LUZP2: variants seen among roughly 807,000 people sequenced by gnomAD.
LUZP2 encodes the protein leucine zipper protein 2.
In LUZP2, 52 loss-of-function variants were observed where a neutral mutation model predicts 51.6. The observed-to-expected ratio is 1.01, with a 90% confidence interval of 0.81 to 1.27. The LOEUF is 1.27. LUZP2 is among the 50% of genes most tolerant of loss of function. The pLI, the probability that LUZP2 is intolerant of heterozygous loss-of-function variation, is 0.00. For missense variants in LUZP2, 436 were observed against 395.4 expected (o/e 1.10, Z -0.87); for synonymous variants, 154 against 137.3 (o/e 1.12, Z -0.85).
intron 4 of LUZP2, among the ~76,000 whole-genome samples, chr11:24,742,151 A>G (rs1190166837): frequency 6.7e-6 from 1 of 148,846 alleles, no homozygotes; most frequent in East Asian, 2.0e-4. Flanking sequence ...CGAATTGTGC[A>G]CTATAAATAT....
At chr11:25,076,669 G>GGGAGGGAGGGAA (rs1368316089) in intron 10 of LUZP2, among the ~76,000 whole-genome samples, 2 of 149,540 alleles carry the variant, frequency 1.3e-5, no homozygotes, top group African/African-American at 4.9e-5. Flanking sequence ...GAGGGAAGGA[G>GGGAGGGAGGGAA]GGAGGGAGGG....
chr11:24,913,340 C>T (rs531058377), intron 6 of LUZP2, among the ~76,000 whole-genome samples: 21 of 152,236 alleles, frequency 1.4e-4, no homozygotes, highest in African/African-American at 4.8e-4. Flanking sequence ...TTCTATAATT[C>T]AGTACTTCAT....
At chr11:24,545,466 A>C (rs1169003081) in intron 1 of LUZP2, among the ~76,000 whole-genome samples, 1 of 151,692 alleles carries the variant, frequency 6.6e-6, no homozygotes, top group Non-Finnish European at 1.5e-5. Flanking sequence ...TGTGGTGTAA[A>C]AAAGGGGTCC....
chr11:24,713,761 C>T (rs1217972916), intron 1 of LUZP2, among the ~76,000 whole-genome samples: 1 of 148,630 alleles, frequency 6.7e-6, no homozygotes, highest in Non-Finnish European at 1.5e-5. Context: ...TGATCTCTGC[C>T]TACTGGAACC....
intron 5 of LUZP2, among the ~76,000 whole-genome samples, chr11:24,799,687 C>G (rs780569656): frequency 9.2e-5 from 14 of 152,118 alleles, no homozygotes; most frequent in Non-Finnish European, 1.8e-4. Context: ...GTAAACTCAC[C>G]TAGCATCTTG....
Position 25,079,180 on chromosome 11 carries a change from TAAC to T in LUZP2, c.*525_*527del, listed in dbSNP as rs1037417456. On this transcript the variant is annotated 3_prime_UTR_variant, in exon 12 of 12. Coordinates refer to ENST00000336930, the MANE Select transcript of LUZP2 (RefSeq NM_001009909.4). ...TGCTATTGGTATTATTTTGAACTAA[TAAC>T]AATTATTTTGTCTAAATAATGCTAA... The T allele has an allele frequency of 6.6e-5, 10 of 152,396 alleles. No homozygotes were observed. The highest frequency in any genetic ancestry group is 2.4e-4 in the African/African-American group (10 of 41,572). 9.4% of individuals were successfully genotyped at this position (152,396 alleles called of 1,614,324 possible).
chr11:24,824,913 G>C (rs7101709), intron 5 of LUZP2, among the ~76,000 whole-genome samples: 12 of 151,898 alleles, frequency 7.9e-5, no homozygotes, highest in South Asian at 6.2e-4. Flanking sequence ...TAAAATTTTT[G>C]CTTACTATAT....
intron 1 of LUZP2, among the ~76,000 whole-genome samples, chr11:24,594,224 G>A (rs1393630950): frequency 6.6e-6 from 1 of 152,148 alleles, no homozygotes; most frequent in Non-Finnish European, 1.5e-5. Flanking sequence ...ATCCATATTT[G>A]TTATTCCAAG....
intron 5 of LUZP2, among the ~76,000 whole-genome samples, chr11:24,855,071 A>G (rs1055095780): frequency 9.9e-5 from 15 of 152,124 alleles, no homozygotes; most frequent in Non-Finnish European, 2.1e-4. Context: ...AGCTGTTCCT[A>G]TTTGGTGATC....
At chr11:24,584,115 A>G (rs939266123) in intron 1 of LUZP2, among the ~76,000 whole-genome samples, 2 of 152,156 alleles carry the variant, frequency 1.3e-5, no homozygotes, top group Non-Finnish European at 2.9e-5. Context: ...GACACTAACA[A>G]TTAAAGATGA....
At chr11:24,527,892 G>C (rs1488577265) in intron 1 of LUZP2, among the ~76,000 whole-genome samples, 1 of 151,306 alleles carries the variant, frequency 6.6e-6, no homozygotes, top group African/African-American at 2.4e-5. Context: ...GAGCTGAATA[G>C]AGTGTGATTT....
At chr11:24,812,372 AT>A (rs1221879303) in intron 5 of LUZP2, among the ~76,000 whole-genome samples, 1 of 152,168 alleles carries the variant, frequency 6.6e-6, no homozygotes, top group Non-Finnish European at 1.5e-5. Flanking sequence ...AACTTCTTCA[AT>A]TCCCCTTCTG....
At chr11:24,702,856 T>A (rs1184475807) in intron 1 of LUZP2, among the ~76,000 whole-genome samples, 1 of 152,202 alleles carries the variant, frequency 6.6e-6, no homozygotes, top group Non-Finnish European at 1.5e-5. Context: ...CTATGTTGCT[T>A]GAGTGCAATC....
At chr11:24,546,636 G>T (rs1181860036) in intron 1 of LUZP2, among the ~76,000 whole-genome samples, 1 of 151,994 alleles carries the variant, frequency 6.6e-6, no homozygotes, top group African/African-American at 2.4e-5. Context: ...CTTTACTGTG[G>T]TGAATAAGCT....
chr11:24,753,902 A>T (rs1859680841), intron 4 of LUZP2, among the ~76,000 whole-genome samples: 1 of 152,102 alleles, frequency 6.6e-6, no homozygotes, highest in African/African-American at 2.4e-5. Context: ...CTGACTTTTT[A>T]AATTTATTCA....
chr11:24,870,790 T>A (rs898325634), intron 5 of LUZP2, among the ~76,000 whole-genome samples: 28 of 152,232 alleles, frequency 1.8e-4, no homozygotes, highest in African/African-American at 6.5e-4. Flanking sequence ...ACAAGATTCA[T>A]TCTATTATAA....
At chr11:25,055,605 C>T (rs7925471) in intron 10 of LUZP2, among the ~76,000 whole-genome samples, 55,730 of 151,890 alleles carry the variant, frequency 0.37, 12,579 homozygotes, top group East Asian at 0.78. Context: ...TAAGCAGTTA[C>T]GATGCTACAT....
intron 9 of LUZP2, among the ~76,000 whole-genome samples, chr11:24,990,043 T>C (rs1273443085): frequency 6.6e-6 from 1 of 152,142 alleles, no homozygotes; most frequent in East Asian, 1.9e-4. Flanking sequence ...TATTCTCTGA[T>C]ATTCGTCCAT....
chr11:24,643,944 T>G (rs1286646795), intron 1 of LUZP2, among the ~76,000 whole-genome samples: 1 of 152,194 alleles, frequency 6.6e-6, no homozygotes, highest in Non-Finnish European at 1.5e-5. Context: ...TTGATACAAC[T>G]GATGCCAGGT....
Sources: gnomAD v4.1 joint callset for allele counts (sites outside exome capture counted in the v4.1 genomes callset) on GRCh38, gnomAD v4.1.1 for gene constraint, MANE v1.5 for transcripts, NCBI Gene and HGNC (gene_info 2026-07-23, HGNC 2026-07-21) for gene names.